ESRRB: variants seen among roughly 807,000 people sequenced by gnomAD.
The protein encoded by ESRRB is steroid hormone receptor ERR2.
In ESRRB, 16 loss-of-function variants were observed where a neutral mutation model predicts 46.0. The observed-to-expected ratio is 0.35, with a 90% CI of 0.24 to 0.53. The LOEUF is 0.53. Among genes scored for constraint, ESRRB ranks in the 20% least tolerant of loss-of-function variants. The pLI is 0.93. For synonymous variants in ESRRB, 246 were observed against 259.6 expected, an observed-to-expected ratio of 0.95 and a Z score of 0.50; for missense variants, 488 against 607.4, an observed-to-expected ratio of 0.80 and a Z score of 2.07.
intron 1 of ESRRB, among the ~76,000 whole-genome samples, chr14:76,425,397 G>A (rs1430278287): frequency 2.0e-4 from 30 of 152,112 alleles, no homozygotes; most frequent in Admixed American, 2.0e-3. Context: ...TAGCCACATG[G>A]CTGGGATTCA....
chr14:76,414,689 A>AAAC (rs1555394735), intron 1 of ESRRB, among the ~76,000 whole-genome samples: 1 of 143,738 alleles, frequency 7.0e-6, no homozygotes, highest in Non-Finnish European at 1.5e-5. Context: ...AAAAAAAAAA[A>AAAC]AAAACTATTC....
Position 76,482,287 on chromosome 14 carries a change from T to G in ESRRB, c.688+161T>G, listed in dbSNP as rs1332678588. Among the ~76,000 whole-genome samples, 1 of 152,154 alleles carries G rather than the reference T, an allele frequency of 6.6e-6. No homozygotes were observed. Among genetic ancestry groups the G allele is most frequent in the Non-Finnish European group, 1.5e-5 (1 of 68,020 alleles). On this transcript the variant is annotated intron_variant, in intron 4 of 6. Coordinates refer to ENST00000644823, the MANE Select transcript of ESRRB (RefSeq NM_001379180.1). The surrounding 1 kb of genome is among the most constrained non-coding windows in gnomAD (Gnocchi z 4.3). ...GGCACATTTAGAATGTGGCTCCAAA[T>G]GAAGCATGGTCCTGACAAGCCACGG...
rs796736002 is a variant in ESRRB at position 76,453,597 on chromosome 14, C to CTTTTT, written c.461-8934_461-8930dup. On this transcript the variant is annotated intron_variant, in intron 2 of 6. Coordinates refer to ENST00000644823, the MANE Select transcript of ESRRB (RefSeq NM_001379180.1). ...ATCAAATCAAATCTGAAAAAAAGCT[C>CTTTTT]TTTTTTTTTTTTTTTTTTGAGACTG... is the stretch of plus-strand genomic sequence containing the variant. Among the ~76,000 whole-genome samples, 12 of 134,314 alleles carry CTTTTT rather than the reference C, an allele frequency of 8.9e-5. 1 individual carries two copies. Among genetic ancestry groups the CTTTTT allele is most frequent in the African/African-American group, 3.4e-4 (12 of 35,386 alleles). 88.1% of individuals were successfully genotyped at this position (134,314 alleles called of 152,430 possible).
intron 1 of ESRRB, among the ~76,000 whole-genome samples, chr14:76,428,650 T>C (rs979513354): frequency 6.6e-6 from 1 of 152,140 alleles, no homozygotes; most frequent in African/African-American, 2.4e-5. Context: ...TCATGTGTGC[T>C]GGGCTTGGCC....
intron 1 of ESRRB, among the ~76,000 whole-genome samples, chr14:76,314,176 T>C (rs1883770737): frequency 6.6e-6 from 1 of 152,162 alleles, no homozygotes; most frequent in Non-Finnish European, 1.5e-5. Flanking sequence ...CAGGCTTCTG[T>C]ACAACTTCTG....
chr14:76,362,278 C>T (rs765616002), intron 1 of ESRRB, among the ~76,000 whole-genome samples: 1 of 152,220 alleles, frequency 6.6e-6, no homozygotes, highest in Non-Finnish European at 1.5e-5. Flanking sequence ...CAGATTGTCT[C>T]AGGGTCACAT....
intron 1 of ESRRB, among the ~76,000 whole-genome samples, chr14:76,365,256 C>G (rs1051491154): frequency 2.6e-5 from 4 of 152,224 alleles, no homozygotes; most frequent in Non-Finnish European, 4.4e-5. Context: ...AGGTGGATTA[C>G]TTGAGTCCAG....
chr14:76,439,692 C>A lies in ESRRB; in HGVS notation c.402C>A (p.Tyr134Ter). 1 of 1,614,250 alleles carries A rather than the reference C, an allele frequency of 6.2e-7. No individual in the cohort carries two copies. Among genetic ancestry groups the A allele is most frequent in the Non-Finnish European group, 8.5e-7 (1 of 1,180,044 alleles). ...TGTGCGGGGACATTGCCTCTGGCTACCACTACGGCGTGGCCTCCTGCGAGG... is the reference window on the plus strand; with the variant it reads ...TGTGCGGGGACATTGCCTCTGGCTAACACTACGGCGTGGCCTCCTGCGAGG... Reference protein sequence around the residue: ...CLVCGDIASGYHYGVASCEAC... With the variant: ...CLVCGDIASG Residue 134 changes from tyrosine (Y) to a stop codon, truncating the protein, a stop_gained, in exon 2 of 7, where the codon TAC (tyrosine) becomes TAA (stop). Transcript: ENST00000644823. LOFTEE classifies it high-confidence loss of function.
Position 76,495,586 on chromosome 14 carries a change from C to T in ESRRB, c.1121-2628C>T, listed in dbSNP as rs972977736. On this transcript the variant is annotated intron_variant, in intron 6 of 6. Coordinates refer to ENST00000644823, the MANE Select transcript of ESRRB (RefSeq NM_001379180.1). ...TTAAGTAATGGTTTTCCAGCCTAGGCAACAGAGTGAGACCCTTTCTCAGAA... is the reference window on the plus strand; with the variant it reads ...TTAAGTAATGGTTTTCCAGCCTAGGTAACAGAGTGAGACCCTTTCTCAGAA... 4.2e-5 allele frequency: 6 copies of T among 144,214 alleles called. No homozygotes were observed. The East Asian group carries it at 1.2e-3, about 29-fold the overall frequency. The allele number at this position is 144,214 out of a possible 1,614,324, so 8.9% of individuals were successfully genotyped here. A position where few individuals can be genotyped will look rare whatever the true frequency, so the allele number is the denominator to read the frequency against.
intron 1 of ESRRB, among the ~76,000 whole-genome samples, chr14:76,403,860 A>G (rs1322632143): frequency 1.3e-5 from 2 of 152,086 alleles, no homozygotes; most frequent in Non-Finnish European, 1.5e-5. Context: ...CTGGGATTAC[A>G]GGCACCCTCC....
Position 76,491,518 on chromosome 14 carries a change from G to C in ESRRB, c.922G>C (p.Gly308Arg). ...QSAWMEILIL[G>R]IVYRSLPYDD... ...TGCCTGGATGGAAATCCTCATCCTGGGCATCGTGTACCGCTCGCTGCCCTA... is the reference window on the plus strand; with the variant it reads ...TGCCTGGATGGAAATCCTCATCCTGCGCATCGTGTACCGCTCGCTGCCCTA... The change falls in exon 6 of 7, where the codon GGC becomes CGC. Residue 308 changes from glycine (G) to arginine (R), a missense_variant. Gly to Arg is a moderately radical substitution (Grantham distance 125, BLOSUM62 -2). Transcript: ENST00000644823. 6.2e-7 allele frequency: 1 copy of C among 1,601,920 alleles called. No homozygotes were observed. The highest frequency in any genetic ancestry group is 2.2e-5 in the East Asian group (1 of 44,478).
At position 76,494,307 on chromosome 14, in the gene ESRRB, C is replaced by T. The variant is rs1309779591; in HGVS notation, c.1120+2591C>T. Among the ~76,000 whole-genome samples the T allele has an allele frequency of 4.9e-5, 7 of 142,300 alleles. No individual in the cohort carries two copies. In the East Asian group the frequency reaches 1.4e-3, roughly 29 times the overall value. 93.4% of individuals were successfully genotyped at this position (142,300 alleles called of 152,430 possible). ...GTATAGTTTTAGATTTACAGAATAA[C>T]TTTTTTTTTTTTTTTTGAGACAGAA... On this transcript the variant is annotated intron_variant, in intron 6 of 6. Transcript: ENST00000644823.
chr14:76,380,223 A>G (rs1884953824), intron 1 of ESRRB, among the ~76,000 whole-genome samples: 1 of 152,162 alleles, frequency 6.6e-6, no homozygotes, highest in African/African-American at 2.4e-5. Flanking sequence ...CTTTTGAGCA[A>G]AGATCTGCCT....
intron 1 of ESRRB, among the ~76,000 whole-genome samples, chr14:76,385,836 C>T (rs1018728962): frequency 9.2e-5 from 14 of 152,156 alleles, no homozygotes; most frequent in Non-Finnish European, 7.4e-5. Context: ...AAGTAATTGA[C>T]CAGAAATTTA....
intron 1 of ESRRB, among the ~76,000 whole-genome samples, chr14:76,409,171 A>G (rs1247999411): frequency 6.6e-6 from 1 of 152,226 alleles, no homozygotes; most frequent in Non-Finnish European, 1.5e-5. Flanking sequence ...AATGTCTGTG[A>G]AAAAGTTACA....
At position 76,482,644 on chromosome 14, in the gene ESRRB, C is replaced by G; in HGVS notation, c.735C>G (p.Leu245=). Residue 245 remains leucine, a synonymous_variant, in exon 5 of 7, where the codon CTC becomes CTG. Coordinates refer to ENST00000644823, the MANE Select transcript of ESRRB (RefSeq NM_001379180.1). This position sits in a 1 kb window ranked among gnomAD's most constrained non-coding sequence, Gnocchi z 4.3. ...TACTGGTGGCTGAGCCGGACAAGCTCTATGCCATGCCTCCCCCTGGTATGC... is the reference window on the plus strand; with the variant it reads ...TACTGGTGGCTGAGCCGGACAAGCTGTATGCCATGCCTCCCCCTGGTATGC... The part of the protein sequence containing the change: ...SYLLVAEPDK[L]YAMPPPGMPE... 2 of 1,614,188 alleles carry G rather than the reference C, an allele frequency of 1.2e-6. No individual in the cohort carries two copies. Among genetic ancestry groups the G allele is most frequent in the Non-Finnish European group, 1.7e-6 (2 of 1,180,036 alleles).
At chr14:76,444,715 C>T (rs188470472) in intron 2 of ESRRB, among the ~76,000 whole-genome samples, 20 of 152,264 alleles carry the variant, frequency 1.3e-4, no homozygotes, top group Non-Finnish European at 2.6e-4. Flanking sequence ...TGCTTAGTGC[C>T]CATGAGTCTA....
rs777624471 is a variant in ESRRB, at chr14:76,498,406, G to A, written c.1313G>A (p.Gly438Asp). ...VQHFYSVKLQGKVPMHKLFLE... is the reference protein window; with the variant it reads ...VQHFYSVKLQDKVPMHKLFLE... ...CACTTCTATAGCGTCAAACTGCAGG[G>A]CAAAGTGCCCATGCACAAACTCTTC... The change falls in exon 7 of 7, where the codon GGC becomes GAC. Residue 438 changes from glycine (G) to aspartate (D), a missense_variant. Physicochemically the swap from Gly to Asp is moderately conservative, Grantham distance 94. Coordinates refer to ENST00000644823, the MANE Select transcript of ESRRB (RefSeq NM_001379180.1). 5.0e-6 allele frequency: 8 copies of A among 1,613,534 alleles called. No homozygotes were observed. In the South Asian group the frequency reaches 8.8e-5, roughly 18 times the overall value.
chr14:76,330,199 G>A (rs942725882), intron 1 of ESRRB, among the ~76,000 whole-genome samples: 2 of 152,130 alleles, frequency 1.3e-5, no homozygotes, highest in Admixed American at 6.5e-5. Flanking sequence ...GCAGGGCAGC[G>A]TTTACCCTCT....
Sources: gnomAD v4.1 joint callset for allele counts (sites outside exome capture counted in the v4.1 genomes callset) on GRCh38, gnomAD v4.1.1 for gene constraint, Gnocchi (gnomAD v3.1) non-coding constraint, MANE v1.5 for transcripts, NCBI Gene and HGNC (gene_info 2026-07-23, HGNC 2026-07-21) for gene names.